Variants in SCFD2 observed in about 807,000 individuals in gnomAD.
SCFD2 encodes the protein sec1 family domain-containing protein 2.
SCFD2 carries 54 observed loss-of-function variants against 58.9 expected under a neutral mutation model. The observed-to-expected ratio is 0.92, with a 90% CI of 0.74 to 1.15. The LOEUF is 1.15. Ranked by LOEUF, SCFD2 falls within the 50% of genes most tolerant of loss-of-function variation. The pLI, the probability that SCFD2 is intolerant of heterozygous loss-of-function variation, is 0.00. For synonymous variants in SCFD2, 321 were observed against 335.9 expected (o/e 0.96, Z 0.49); for missense variants, 805 against 836.6 (o/e 0.96, Z 0.47).
At chr4:53,245,668 C>T (rs768852580) in intron 4 of SCFD2, among the ~76,000 whole-genome samples, 14 of 152,056 alleles carry the variant, frequency 9.2e-5, no homozygotes, top group Non-Finnish European at 1.5e-4. Flanking sequence ...CAGGAATATA[C>T]CTCATACAAA....
chr4:53,109,942 A>T (rs1464578151), intron 5 of SCFD2, among the ~76,000 whole-genome samples: 1 of 152,106 alleles, frequency 6.6e-6, no homozygotes, highest in Non-Finnish European at 1.5e-5. Context: ...TAAATAAATA[A>T]ATCTGGAGGT....
intron 5 of SCFD2, among the ~76,000 whole-genome samples, chr4:53,076,293 TCCAA>T (rs1198650269): frequency 2.0e-5 from 3 of 152,140 alleles, no homozygotes; most frequent in Non-Finnish European, 4.4e-5. Context: ...CTAAAAAAAT[TCCAA>T]TTTTATAAAG....
At chr4:53,208,618 C>T (rs148294944) in intron 4 of SCFD2, among the ~76,000 whole-genome samples, 1,636 of 152,250 alleles carry the variant, frequency 0.011, 21 homozygotes, top group Non-Finnish European at 0.014. Context: ...TATGCTGCAC[C>T]ATGGCAGCAA....
chr4:53,137,747 A>G (rs1725985258), intron 5 of SCFD2, among the ~76,000 whole-genome samples: 2 of 152,260 alleles, frequency 1.3e-5, no homozygotes, highest in South Asian at 2.1e-4. Flanking sequence ...GAGTAAATCA[A>G]TGAGTAATAA....
intron 5 of SCFD2, among the ~76,000 whole-genome samples, chr4:53,071,719 A>G (rs1463450256): frequency 6.6e-6 from 1 of 152,098 alleles, no homozygotes; most frequent in Non-Finnish European, 1.5e-5. Flanking sequence ...ATGTACAGGT[A>G]TCCTCCAGTT....
At chr4:53,206,624 C>T (rs1456828991) in intron 4 of SCFD2, among the ~76,000 whole-genome samples, 1 of 152,016 alleles carries the variant, frequency 6.6e-6, no homozygotes, top group East Asian at 1.9e-4. Flanking sequence ...TTACAATATA[C>T]TAAATAAATA....
chr4:52,960,233 G>C (rs916684800), intron 5 of SCFD2, among the ~76,000 whole-genome samples: 1 of 152,076 alleles, frequency 6.6e-6, no homozygotes, highest in Non-Finnish European at 1.5e-5. Flanking sequence ...TGCCCAACAG[G>C]TAAGGATGCA....
At chr4:53,238,214 TG>T (rs1729737836) in intron 4 of SCFD2, among the ~76,000 whole-genome samples, 2 of 134,650 alleles carry the variant, frequency 1.5e-5, no homozygotes, top group Non-Finnish European at 3.3e-5. Context: ...ACGGGGCGGC[TG>T]GCCGGGCAGA....
At chr4:53,341,756 C>A (rs1733883305) in intron 2 of SCFD2, among the ~76,000 whole-genome samples, 1 of 152,196 alleles carries the variant, frequency 6.6e-6, no homozygotes, top group Admixed American at 6.5e-5. Flanking sequence ...AACAGCAGAT[C>A]TCTCGGCAGA....
At chr4:53,210,556 A>G (rs1181225335) in intron 4 of SCFD2, among the ~76,000 whole-genome samples, 2 of 152,024 alleles carry the variant, frequency 1.3e-5, no homozygotes, top group East Asian at 1.9e-4. Flanking sequence ...CATTAAAGGG[A>G]TTTGCAGAAT....
intron 5 of SCFD2, among the ~76,000 whole-genome samples, chr4:53,083,995 G>C (rs1324699773): frequency 1.3e-5 from 2 of 152,172 alleles, no homozygotes; most frequent in Non-Finnish European, 2.9e-5. Flanking sequence ...CCACTGATAA[G>C]GGTCTATGTT....
At chr4:53,230,616 C>A (rs1729405144) in intron 4 of SCFD2, among the ~76,000 whole-genome samples, 1 of 104,972 alleles carries the variant, frequency 9.5e-6, no homozygotes, top group African/African-American at 3.9e-5. Context: ...ACACTGGGGA[C>A]TGTTGTGGGG....
chr4:53,299,208 A>G (rs551065951), intron 3 of SCFD2, among the ~76,000 whole-genome samples: 2 of 152,228 alleles, frequency 1.3e-5, no homozygotes, highest in Non-Finnish European at 2.9e-5. Context: ...AAAAAGTTAG[A>G]TGAATGGATA....
chr4:53,317,958 C>A (rs1732914841), intron 2 of SCFD2, among the ~76,000 whole-genome samples: 2 of 152,112 alleles, frequency 1.3e-5, no homozygotes, highest in Admixed American at 6.5e-5. Flanking sequence ...AATCAAAGGG[C>A]AGAATTTTCT....
intron 4 of SCFD2, among the ~76,000 whole-genome samples, chr4:53,271,714 C>A (rs534666127): frequency 6.6e-6 from 1 of 152,070 alleles, no homozygotes; most frequent in Admixed American, 6.5e-5. Context: ...CCGCCCACCT[C>A]GGCCTCCCAA....
intron 4 of SCFD2, among the ~76,000 whole-genome samples, chr4:53,220,362 T>C (rs554469186): frequency 2.0e-5 from 3 of 152,360 alleles, no homozygotes; most frequent in Middle Eastern, 3.4e-3. Flanking sequence ...TTACTGTCTG[T>C]TTTCTTAACT....
At chr4:52,903,829 C>T (rs1371686250) in intron 7 of SCFD2, among the ~76,000 whole-genome samples, 5 of 152,166 alleles carry the variant, frequency 3.3e-5, no homozygotes, top group Non-Finnish European at 7.3e-5. Flanking sequence ...TCTTGACCCA[C>T]TAATGTGCAG....
intron 2 of SCFD2, among the ~76,000 whole-genome samples, chr4:53,317,100 C>G (rs1732888886): frequency 6.7e-6 from 1 of 148,416 alleles, no homozygotes. Flanking sequence ...GAACGAGACT[C>G]CATGTCAAAA....
chr4:53,327,287 G>A (rs2149126280), intron 2 of SCFD2, among the ~76,000 whole-genome samples: 1 of 152,210 alleles, frequency 6.6e-6, no homozygotes. Flanking sequence ...AGATTGAGGG[G>A]ACATCCACAT....
Sources: gnomAD v4.1 joint callset for allele counts (sites outside exome capture counted in the v4.1 genomes callset) on GRCh38, gnomAD v4.1.1 for gene constraint, MANE v1.5 for transcripts, NCBI Gene and HGNC (gene_info 2026-07-23, HGNC 2026-07-21) for gene names.